The following TRIM66 variants were observed in gnomAD, a reference collection of about 807,000 sequenced individuals.
The protein encoded by TRIM66 is tripartite motif containing 66.
Under a neutral mutation model 148.2 loss-of-function variants are expected in TRIM66, and 99 were observed. That is an observed-to-expected ratio of 0.67 (90% CI 0.57 to 0.79). TRIM66 has a LOEUF of 0.79. Ranked by LOEUF, TRIM66 falls within the 30% of genes least tolerant of loss-of-function variation. The probability of loss-of-function intolerance (pLI) is 0.00; values close to 1 mark genes in which losing one functional copy is unlikely to be tolerated. For missense variants in TRIM66, 1,666 were observed against 1,697.9 expected (o/e 0.98, Z 0.33); for synonymous variants, 616 against 635.9 (o/e 0.97, Z 0.47).
At chr11:8,630,148 C>CAG (rs1168328716) in intron 15 of TRIM66, among the ~76,000 whole-genome samples, 6 of 152,176 alleles carry the variant, frequency 3.9e-5, no homozygotes, top group Non-Finnish European at 8.8e-5. Context: ...GGCCAACCTT[C>CAG]AGAGCAAGGA....
At chr11:8,659,095 G>A (rs1386968251) in intron 6 of TRIM66, among the ~76,000 whole-genome samples, 1 of 152,026 alleles carries the variant, frequency 6.6e-6, no homozygotes, top group Non-Finnish European at 1.5e-5. Flanking sequence ...GAGACATTAG[G>A]ATGGGGCAAG....
At chr11:8,641,705 A>G (rs2036407938) in intron 13 of TRIM66, among the ~76,000 whole-genome samples, 2 of 152,022 alleles carry the variant, frequency 1.3e-5, no homozygotes, top group South Asian at 4.2e-4. Flanking sequence ...TGTAATCCCC[A>G]GTGTTGGAGG....
intron 17 of TRIM66, 97 bp from the exon 18 acceptor site, chr11:8,622,973 G>T: frequency 9.3e-7 from 1 of 1,071,850 alleles, no homozygotes; most frequent in Non-Finnish European, 1.4e-6. Context: ...CATACCTTTG[G>T]CCACACATCT....
intron 6 of TRIM66, among the ~76,000 whole-genome samples, chr11:8,668,501 C>T (rs2038736418): frequency 6.6e-6 from 1 of 152,144 alleles, no homozygotes; most frequent in African/African-American, 2.4e-5. Context: ...CAGGCAGAAA[C>T]CTCAGTTCTA....
chr11:8,659,249 T>C (rs753562353), intron 6 of TRIM66, among the ~76,000 whole-genome samples: 10 of 152,046 alleles, frequency 6.6e-5, no homozygotes, highest in Non-Finnish European at 1.3e-4. Flanking sequence ...CATCCTAAAA[T>C]AAAAGGCAGC....
intron 6 of TRIM66, among the ~76,000 whole-genome samples, chr11:8,664,901 G>C (rs2038492411): frequency 6.6e-6 from 1 of 152,010 alleles, no homozygotes; most frequent in African/African-American, 2.4e-5. Context: ...AAACAAGCTG[G>C]ACAGACCCTG....
At chr11:8,680,349 G>A (rs543267466) in intron 1 of TRIM66, among the ~76,000 whole-genome samples, 5 of 152,210 alleles carry the variant, frequency 3.3e-5, no homozygotes, top group African/African-American at 4.8e-5. Flanking sequence ...ACGTGGTGGA[G>A]GTGTGAAGGA....
At chr11:8,625,368 GGA>G in intron 15 of TRIM66, 140 bp from the exon 16 acceptor site, 1 of 1,109,918 alleles carries the variant, frequency 9.0e-7, no homozygotes, top group Non-Finnish European at 1.2e-6. Flanking sequence ...GTAGCTGCCA[GGA>G]ACTCAGGCAA....
In TRIM66 at chr11:8,640,505, G is replaced by A; in HGVS notation, c.1870C>T (p.His624Tyr). Reference sequence around the variant, plus strand: ...TGCTGGGATGGAGGAAGAGGTGGGTGTGGCTGCTGTGGGGGAGGGGGAAGG... The same window carrying A: ...TGCTGGGATGGAGGAAGAGGTGGGTATGGCTGCTGTGGGGGAGGGGGAAGG... The part of the protein sequence containing the change: ...PPLPPPPQQP[H>Y]PPLPPSQHLA... Residue 624 changes from histidine to tyrosine, a missense_variant, in exon 14 of 25, where the codon CAC (histidine) becomes TAC (tyrosine). His to Tyr is a moderately conservative substitution (Grantham distance 83). Coordinates refer to ENST00000646038, the MANE Select transcript of TRIM66 (RefSeq NM_001388022.1). 6.5e-7 allele frequency: 1 copy of A among 1,544,764 alleles called. No homozygotes were observed. The highest frequency in any genetic ancestry group is 8.7e-7 in the Non-Finnish European group (1 of 1,145,446).
At chr11:8,648,720 T>G (rs529494049) in intron 8 of TRIM66, among the ~76,000 whole-genome samples, 172 bp from the exon 9 acceptor site, 140 of 152,330 alleles carry the variant, frequency 9.2e-4, no homozygotes, top group Non-Finnish European at 1.6e-3. Flanking sequence ...GATTTTGGGC[T>G]GAGCTTGGCT....
intron 15 of TRIM66, among the ~76,000 whole-genome samples, chr11:8,637,777 G>A (rs2036015228): frequency 6.6e-6 from 1 of 152,138 alleles, no homozygotes; most frequent in Non-Finnish European, 1.5e-5. Context: ...CTGGGTGGAG[G>A]CACTGGAGAG....
rs373726386 is a variant in TRIM66 at position 8,645,866 on chromosome 11, G to C, written c.979C>G (p.Arg327Gly). 1.5e-5 allele frequency: 23 copies of C among 1,551,498 alleles called. No individual in the cohort carries two copies. The highest frequency in any genetic ancestry group is 1.4e-5 in the African/African-American group (1 of 73,036). ...CTCTGTAACTGCTGTTCCAGCTTCC[G>C]CTTTCTCTCATTAGTAATCCCCTGG... is the stretch of plus-strand genomic sequence containing the variant. ...ELEGITNERK[R>G]KLEQQLQSIM... The change falls in exon 12 of 25, where the codon CGG becomes GGG. Residue 327 changes from arginine (R) to glycine (G), a missense_variant. By Grantham distance (125) the Arg-to-Gly change is moderately radical. This residue lies in a region of TRIM66 where 1,431 missense variants were observed against 1,412.4 expected (regional missense o/e 1.01). Transcript: ENST00000646038.
At chr11:8,676,502 C>T (rs1214567651) in intron 3 of TRIM66, among the ~76,000 whole-genome samples, 1 of 152,200 alleles carries the variant, frequency 6.6e-6, no homozygotes, top group Non-Finnish European at 1.5e-5. Context: ...CCTTGCATCA[C>T]AATCCTGGGA....
chr11:8,620,313 G>T, intron 21 of TRIM66, 133 bp downstream of exon 21: 1 of 1,424,132 alleles, frequency 7.0e-7, no homozygotes, highest in Non-Finnish European at 9.4e-7. Context: ...ACACCCCTGG[G>T]CCAAGTTGTC....
At chr11:8,667,073 C>A (rs1487800544) in intron 6 of TRIM66, among the ~76,000 whole-genome samples, 1 of 152,132 alleles carries the variant, frequency 6.6e-6, no homozygotes, top group African/African-American at 2.4e-5. Flanking sequence ...CTGCCTTGGC[C>A]TCTCAAAGTG....
At chr11:8,633,590 C>T (rs991462849) in intron 15 of TRIM66, among the ~76,000 whole-genome samples, 1 of 152,126 alleles carries the variant, frequency 6.6e-6, no homozygotes, top group Non-Finnish European at 1.5e-5. Context: ...CTGACCAGGA[C>T]GCAGGCTGTG....
Position 8,651,657 on chromosome 11 carries a change from AGATGGATG to A in TRIM66, c.444+135_444+142del. On this transcript the variant is annotated intron_variant, in intron 7 of 24. Coordinates refer to ENST00000646038, the MANE Select transcript of TRIM66 (RefSeq NM_001388022.1). ...AACTCATGCATTTTTATTTTCTTCT[AGATGGATG>A]GATGGATGATTAGGAAAACTGATGG... 4 of 754,476 alleles carry A rather than the reference AGATGGATG, an allele frequency of 5.3e-6. No individual in the cohort carries two copies. The South Asian group carries it at 6.1e-5, about 11-fold the overall frequency. 46.7% of individuals were successfully genotyped at this position (754,476 alleles called of 1,614,324 possible).
At chr11:8,648,947 G>A (rs574823787) in intron 8 of TRIM66, among the ~76,000 whole-genome samples, 2 of 152,214 alleles carry the variant, frequency 1.3e-5, no homozygotes, top group East Asian at 1.9e-4. Context: ...GCTAGATCAC[G>A]TGGATCATGA....
At chr11:8,672,638 T>G (rs894344531) in intron 4 of TRIM66, among the ~76,000 whole-genome samples, 1 of 110,768 alleles carries the variant, frequency 9.0e-6, no homozygotes, top group Admixed American at 9.5e-5. Flanking sequence ...TTTTTTTTTT[T>G]GAGACAGGAT....
Sources: gnomAD v4.1 joint callset for allele counts (sites outside exome capture counted in the v4.1 genomes callset) on GRCh38, gnomAD v4.1.1 for gene constraint, gnomAD v4.1.1 regional missense constraint, MANE v1.5 for transcripts, NCBI Gene and HGNC (gene_info 2026-07-23, HGNC 2026-07-21) for gene names.